RGPD1: variants seen among roughly 807,000 people sequenced by gnomAD.
RGPD1 encodes the protein RANBP2-like and GRIP domain-containing protein 1.
Under a neutral mutation model 40.6 loss-of-function variants are expected in RGPD1, and 7 were observed. That is an observed-to-expected ratio of 0.17 (90% CI 0.10 to 0.32). RGPD1 has a LOEUF of 0.32. RGPD1 is among the 10% of genes least tolerant of loss of function. The pLI is 1.00. For synonymous variants in RGPD1, 24 were observed against 167.0 expected (o/e 0.14, Z 6.60); for missense variants, 50 against 472.5 (o/e 0.11, Z 8.29).
At chr2:86,931,188 A>T (rs1179480038) in intron 1 of RGPD1, among the ~76,000 whole-genome samples, 2 of 149,026 alleles carry the variant, frequency 1.3e-5, no homozygotes, top group African/African-American at 5.0e-5. Flanking sequence ...AATCTGCCTT[A>T]TAGGATATCC....
At chr2:86,929,387 G>A (rs374872861) in intron 1 of RGPD1, among the ~76,000 whole-genome samples, 8 of 151,922 alleles carry the variant, frequency 5.3e-5, no homozygotes, top group Admixed American at 1.3e-4. Context: ...AAACACAGTG[G>A]CCCTGCTTCA....
Position 86,927,093 on chromosome 2 carries a change from C to G in RGPD1, c.72+13172C>G, listed in dbSNP as rs533948070. On this transcript the variant is annotated intron_variant, in intron 1 of 22. Coordinates refer to the RGPD1 transcript ENST00000398193. ...GTTGCACTAGATCATTTTCAATTTTCCTTCCCACTTAAATCAGTTTTAATT... is the reference window on the plus strand; with the variant it reads ...GTTGCACTAGATCATTTTCAATTTTGCTTCCCACTTAAATCAGTTTTAATT... Among the ~76,000 whole-genome samples the G allele has an allele frequency of 9.9e-5, 15 of 152,150 alleles. No individual in the cohort carries two copies. In the South Asian group the frequency reaches 2.9e-3, roughly 30 times the overall value.
chr2:86,924,591 A>G (rs1678324081), intron 1 of RGPD1, among the ~76,000 whole-genome samples: 1 of 150,224 alleles, frequency 6.7e-6, no homozygotes, highest in Non-Finnish European at 1.5e-5. Context: ...TCAGCCTCCA[A>G]GTGGCTAGGA....
upstream of RGPD1, among the ~76,000 whole-genome samples, chr2:86,937,569 CATT>C (rs1679441346): frequency 9.0e-6 from 1 of 111,510 alleles, no homozygotes; most frequent in Admixed American, 8.2e-5. Flanking sequence ...TTTCAGTCAG[CATT>C]ATTAACCAAG....
chr2:86,914,232 G>C (rs1573556262), intron 1 of RGPD1, among the ~76,000 whole-genome samples: 5 of 78,214 alleles, frequency 6.4e-5, no homozygotes, highest in Non-Finnish European at 8.1e-5. Context: ...GCCTCGGCCT[G>C]GCCGGGCGGC....
chr2:86,928,475 A>G (rs1352776771), intron 1 of RGPD1, among the ~76,000 whole-genome samples: 5 of 152,136 alleles, frequency 3.3e-5, no homozygotes, highest in Non-Finnish European at 5.9e-5. Flanking sequence ...AGGATCCTCT[A>G]TGGTATATGG....
rs1397597584 is a variant in RGPD1 at position 87,011,099 on chromosome 2, C to T, written c.5237-1414C>T. 1.2e-5 allele frequency: 5 copies of T among 426,778 alleles called. 2 individuals are homozygous for T. The highest frequency in any genetic ancestry group is 7.1e-5 in the Admixed American group (3 of 42,078). The allele number at this position is 426,778 out of a possible 1,614,324, so 26.4% of individuals were successfully genotyped here. ...TCCTGCCCTTCACACTCAGGAATGT[C>T]GCAGTAGTCATCTCTCTGTTCTGGA... On this transcript the variant is annotated intron_variant, in intron 22 of 22. Transcript: ENST00000641458.
chr2:86,942,322 G>C lies in RGPD1; in HGVS notation c.72+14G>C, dbSNP rs1230637817. The C allele has an allele frequency of 3.9e-6, 6 of 1,533,526 alleles. No individual in the cohort carries two copies. The highest frequency in any genetic ancestry group is 5.3e-6 in the Non-Finnish European group (6 of 1,140,396). 95.0% of individuals were successfully genotyped at this position (1,533,526 alleles called of 1,614,324 possible). A position where few individuals can be genotyped will look rare whatever the true frequency, so the allele number is the denominator to read the frequency against. ...TCGCCTGGAAAGGTGAGTGGATCTC[G>C]AAGAGACCGACGGCCTCGACCTGGC... is the stretch of plus-strand genomic sequence containing the variant. On this transcript the variant is annotated intron_variant, in intron 1 of 22. Coordinates refer to ENST00000641458, the MANE Select transcript of RGPD1 (RefSeq NM_001382344.1).
At chr2:86,923,211 G>A (rs1286543069) in intron 1 of RGPD1, among the ~76,000 whole-genome samples, 1 of 150,224 alleles carries the variant, frequency 6.7e-6, no homozygotes, top group Admixed American at 6.6e-5. Flanking sequence ...GCTAATTTTT[G>A]TAGTTTTGGT....
intron 1 of RGPD1, among the ~76,000 whole-genome samples, chr2:86,929,689 CTTTTTTTTTT>C (rs753911867): frequency 1.9e-5 from 1 of 52,618 alleles, no homozygotes; most frequent in Non-Finnish European, 3.7e-5. Flanking sequence ...AGCCCACACT[CTTTTTTTTTT>C]TTTTTTTTTT....
At chr2:86,917,527 C>G in intron 1 of RGPD1, 3 of 17,266 alleles carry the variant, frequency 1.7e-4, no homozygotes, top group Admixed American at 3.6e-4. Flanking sequence ...TTTATCCTGC[C>G]AAAAGAAATA....
At chr2:86,915,210 T>C (rs1224236413) in intron 1 of RGPD1, among the ~76,000 whole-genome samples, 1 of 150,470 alleles carries the variant, frequency 6.6e-6, no homozygotes, top group African/African-American at 2.4e-5. Flanking sequence ...GCAGGAGAAT[T>C]GCTTGAACCC....
intron 1 of RGPD1, among the ~76,000 whole-genome samples, chr2:86,936,906 T>G (rs2104736827): frequency 1.5e-5 from 2 of 137,110 alleles, no homozygotes; most frequent in South Asian, 4.7e-4. Context: ...AACAAAGAGG[T>G]CTGAGACAGG....
chr2:86,974,472 TTGG>T lies in RGPD1; in HGVS notation c.1594_1596del (p.Trp532del). On this transcript the variant is annotated inframe_deletion, in exon 11 of 23. Coordinates refer to ENST00000641458, the MANE Select transcript of RGPD1 (RefSeq NM_001382344.1). ...GGCTTTGTACAGAGAGACAAAAATC[TTGG>T]TGGGATGCGGTTTGTACTCTGATTC... 3.1e-6 allele frequency: 1 copy of T among 325,896 alleles called. No individual in the cohort carries two copies. The highest frequency in any genetic ancestry group is 5.1e-6 in the Non-Finnish European group (1 of 197,422). The allele number at this position is 325,896 out of a possible 1,614,324, so 20.2% of individuals were successfully genotyped here.
chr2:86,943,740 G>GTGGCTCA (rs774772313), intron 1 of RGPD1, among the ~76,000 whole-genome samples: 4 of 152,244 alleles, frequency 2.6e-5, no homozygotes, highest in Non-Finnish European at 5.9e-5. Flanking sequence ...GCGGGGCGCA[G>GTGGCTCA]TGGCTCACGC....
At chr2:86,940,944 C>G (rs1679693791), upstream of RGPD1, among the ~76,000 whole-genome samples, 1 of 152,196 alleles carries the variant, frequency 6.6e-6, no homozygotes, top group Non-Finnish European at 1.5e-5. Flanking sequence ...TCAGAATCAT[C>G]TTTTTCTTTT....
intron 1 of RGPD1, among the ~76,000 whole-genome samples, chr2:86,925,845 C>T (rs1358896870): frequency 6.6e-6 from 1 of 152,292 alleles, no homozygotes; most frequent in African/African-American, 2.4e-5. Flanking sequence ...GTTGGGATTA[C>T]AGGCGTGAGC....
chr2:86,943,280 C>T (rs1359605592), intron 1 of RGPD1, among the ~76,000 whole-genome samples: 23 of 112,036 alleles, frequency 2.1e-4, no homozygotes, highest in African/African-American at 7.3e-4. Context: ...CTCGCCCCCC[C>T]CCCACCCCGC....
intron 1 of RGPD1, among the ~76,000 whole-genome samples, chr2:86,933,305 G>C (rs1353087092): frequency 6.7e-6 from 1 of 149,404 alleles, no homozygotes; most frequent in African/African-American, 2.4e-5. Context: ...TGGATTTTGA[G>C]TCTCAGAAAA....
Sources: gnomAD v4.1 joint callset for allele counts (sites outside exome capture counted in the v4.1 genomes callset) on GRCh38, gnomAD v4.1.1 for gene constraint, MANE v1.5 for transcripts, NCBI Gene and HGNC (gene_info 2026-07-23, HGNC 2026-07-21) for gene names.